The following SLC35E4 variants were observed in gnomAD, a reference collection of about 807,000 sequenced individuals.
The protein encoded by SLC35E4 is solute carrier family 35, member E4.
Under a neutral mutation model 19.3 loss-of-function variants are expected in SLC35E4, and 15 were observed. That is an observed-to-expected ratio of 0.78 (90% CI 0.52 to 1.20). The LOEUF is 1.20. Among genes scored for constraint, SLC35E4 ranks in the 50% most tolerant of loss-of-function variants. The probability of loss-of-function intolerance (pLI) is 0.00; values close to 1 mark genes in which losing one functional copy is unlikely to be tolerated. For missense variants in SLC35E4, 406 were observed against 472.3 expected (o/e 0.86, Z 1.30); for synonymous variants, 219 against 219.9 (o/e 1.00, Z 0.04).
chr22:30,651,369 TTTTGTG>T (rs1383567412), downstream of SLC35E4, among the ~76,000 whole-genome samples: 11 of 66,118 alleles, frequency 1.7e-4, no homozygotes, highest in East Asian at 2.7e-3. Flanking sequence ...CGTGGCTAAT[TTTTGTG>T]TGTGTGTGTG....
chr22:30,649,735 C>G (rs1022308782), downstream of SLC35E4, among the ~76,000 whole-genome samples: 6 of 149,774 alleles, frequency 4.0e-5, 1 homozygote, highest in African/African-American at 1.5e-4. Flanking sequence ...AAATCCTCCT[C>G]GGTGACTCAG....
intron 2 of SLC35E4, chr22:30,661,853 T>G (rs1229909934): frequency 6.6e-6 from 1 of 151,804 alleles, no homozygotes; most frequent in East Asian, 1.9e-4. Flanking sequence ...GGGGTGCAGG[T>G]TTTCATAGTG....
downstream of SLC35E4, chr22:30,663,738 T>C (rs764494576): frequency 6.2e-7 from 1 of 1,614,086 alleles, no homozygotes; most frequent in Non-Finnish European, 8.5e-7. Context: ...GCTGTGGATA[T>C]GGTCAGCAAT....
chr22:30,654,063 T>C (rs1343543107), intron 2 of SLC35E4: 4 of 170,968 alleles, frequency 2.3e-5, no homozygotes, highest in Non-Finnish European at 4.9e-5. Flanking sequence ...CACTGCAAGC[T>C]CCGCCCCACG....
chr22:30,664,049 G>A (rs2088568786), downstream of SLC35E4: 9 of 1,528,350 alleles, frequency 5.9e-6, no homozygotes, highest in Admixed American at 1.9e-5. Flanking sequence ...CACGAAGGCT[G>A]CGTCTTTCTG....
downstream of SLC35E4, chr22:30,664,070 T>C: frequency 6.8e-7 from 1 of 1,461,288 alleles, no homozygotes; most frequent in Non-Finnish European, 9.3e-7. Flanking sequence ...CTAGGCTGTG[T>C]CCATGGAAAA....
chr22:30,635,861 G>T lies in SLC35E4; in HGVS notation c.-590G>T, dbSNP rs2087934608. 1 of 153,188 alleles carries T rather than the reference G, an allele frequency of 6.5e-6. No homozygotes were observed. The highest frequency in any genetic ancestry group is 1.9e-4 in the South Asian group (1 of 5,240). 9.5% of individuals were successfully genotyped at this position (153,188 alleles called of 1,614,324 possible). On this transcript the variant is annotated 5_prime_UTR_variant, in exon 1 of 2. Coordinates refer to ENST00000343605, the MANE Select transcript of SLC35E4 (RefSeq NM_001001479.4). Reference sequence around the variant, plus strand: ...AAAGCCTCAGAGAGCAGGAGTTGGAGCGCAGGCCCTGCTGGATCCGCGCCT... The same window carrying T: ...AAAGCCTCAGAGAGCAGGAGTTGGATCGCAGGCCCTGCTGGATCCGCGCCT...
rs113499672 is a variant in SLC35E4, at chr22:30,636,226, C to T, written c.-225C>T. On this transcript the variant is annotated 5_prime_UTR_variant, in exon 1 of 2. Transcript: ENST00000343605. The stretch of plus-strand genomic sequence containing the variant: ...CTTGAGCATCGGAGACCCTGGCATC[C>T]TAGCAGCCGCGACCTTGGCTCTGCC... 0.015 allele frequency: 8,534 copies of T among 577,960 alleles called. 113 individuals carry two copies. Among genetic ancestry groups the T allele is most frequent in the Middle Eastern group, 0.037 (78 of 2,118 alleles). 35.8% of individuals were successfully genotyped at this position (577,960 alleles called of 1,614,324 possible). A position where few individuals can be genotyped will look rare whatever the true frequency, so the allele number is the denominator to read the frequency against.
chr22:30,653,712 C>G (rs2088273669), intron 2 of SLC35E4, among the ~76,000 whole-genome samples: 1 of 151,852 alleles, frequency 6.6e-6, no homozygotes, highest in Non-Finnish European at 1.5e-5. Context: ...CCCAGCTGTA[C>G]CTGCTGCCTA....
downstream of SLC35E4, among the ~76,000 whole-genome samples, chr22:30,651,231 C>T (rs929339795): frequency 1.0e-4 from 15 of 150,400 alleles, no homozygotes; most frequent in Admixed American, 6.0e-4. Context: ...GACAGAGTTT[C>T]GCTCTGTCGC....
downstream of SLC35E4, chr22:30,663,347 A>T: frequency 1.5e-6 from 2 of 1,343,748 alleles, no homozygotes; most frequent in Non-Finnish European, 2.0e-6. Context: ...TTCTGTATCA[A>T]CAAAAGTAGA....
chr22:30,658,187 C>A (rs1247625074), intron 2 of SLC35E4, among the ~76,000 whole-genome samples: 1 of 151,624 alleles, frequency 6.6e-6, no homozygotes, highest in African/African-American at 2.4e-5. Flanking sequence ...CAGTCTGTCT[C>A]TCCCACTGGC....
intron 2 of SLC35E4, among the ~76,000 whole-genome samples, chr22:30,655,935 CT>C (rs112567452): frequency 9.5e-5 from 14 of 147,492 alleles, no homozygotes; most frequent in Non-Finnish European, 1.5e-4. Flanking sequence ...ATTCTTAGGA[CT>C]TTTTTTTTTC....
intron 2 of SLC35E4, among the ~76,000 whole-genome samples, chr22:30,659,167 G>T (rs1243786465): frequency 6.8e-6 from 1 of 147,934 alleles, no homozygotes; most frequent in African/African-American, 2.5e-5. Context: ...AACTGATACT[G>T]GAACTACAAT....
At chr22:30,641,075 A>G (rs2088028427) in intron 1 of SLC35E4, among the ~76,000 whole-genome samples, 1 of 152,230 alleles carries the variant, frequency 6.6e-6, no homozygotes, top group African/African-American at 2.4e-5. Context: ...AGCTCTGGGC[A>G]TGAGTCTGCA....
At chr22:30,659,113 G>GT (rs2088405335) in intron 2 of SLC35E4, among the ~76,000 whole-genome samples, 1 of 118,162 alleles carries the variant, frequency 8.5e-6, no homozygotes, top group South Asian at 3.1e-4. Context: ...GACACAGCGA[G>GT]ACTCCATCTC....
chr22:30,666,070 G>A (rs1001984995), downstream of SLC35E4, among the ~76,000 whole-genome samples: 2 of 152,154 alleles, frequency 1.3e-5, no homozygotes, highest in Non-Finnish European at 2.9e-5. Flanking sequence ...GGGCTGGCTT[G>A]CTACAGAGGT....
At chr22:30,650,389 G>A (rs2088190415), downstream of SLC35E4, among the ~76,000 whole-genome samples, 1 of 152,048 alleles carries the variant, frequency 6.6e-6, no homozygotes, top group Non-Finnish European at 1.5e-5. Flanking sequence ...CCAGCTACTC[G>A]GAAGGCTGAG....
Position 30,646,940 on chromosome 22 carries a change from G to C in SLC35E4, c.962G>C (p.Gly321Ala), listed in dbSNP as rs1211326697. ...GTGGGCATCGCACTCACTCTTTCAG[G>C]AATGTTCCTTTACCACAACTGCGAG... ...SYVGIALTLS[G>A]MFLYHNCEFV... The change falls in exon 2 of 2, where the codon GGA (glycine) becomes GCA (alanine). Residue 321 changes from glycine (G) to alanine (A), a missense_variant. Gly to Ala is a moderately conservative substitution (Grantham distance 60). Coordinates refer to ENST00000343605, the MANE Select transcript of SLC35E4 (RefSeq NM_001001479.4). 6.2e-7 allele frequency: 1 copy of C among 1,614,168 alleles called. No homozygotes were observed. Among genetic ancestry groups the C allele is most frequent in the East Asian group, 2.2e-5 (1 of 44,882 alleles).
Sources: allele counts gnomAD v4.1 joint callset (sites outside exome capture counted in the v4.1 genomes callset), GRCh38; gene constraint gnomAD v4.1.1; transcripts MANE v1.5; gene names NCBI Gene and HGNC (gene_info 2026-07-23, HGNC 2026-07-21).